OSBPL9: variants seen among roughly 807,000 people sequenced by gnomAD.
OSBPL9 encodes the protein oxysterol-binding protein-related protein 9.
A neutral mutation model predicts 106.6 loss-of-function variants in OSBPL9; 40 were observed. That is an observed-to-expected ratio of 0.38 (90% confidence interval 0.29 to 0.49). OSBPL9 has a LOEUF of 0.49. Ranked by LOEUF, OSBPL9 falls within the 20% of genes least tolerant of loss-of-function variation. The pLI is 0.97. For missense variants in OSBPL9, 609 were observed against 887.2 expected (o/e 0.69, Z 3.98); for synonymous variants, 269 against 295.4 (o/e 0.91, Z 0.92).
At chr1:51,593,325 T>C (rs1645285578) in intron 1 of OSBPL9, among the ~76,000 whole-genome samples, 2 of 152,184 alleles carry the variant, frequency 1.3e-5, no homozygotes, top group Admixed American at 6.5e-5. Context: ...CCACTTACTT[T>C]CTGAAGCACT....
At chr1:51,679,045 A>G (rs1389014029) in intron 3 of OSBPL9, among the ~76,000 whole-genome samples, 2 of 152,210 alleles carry the variant, frequency 1.3e-5, no homozygotes, top group African/African-American at 4.8e-5. Context: ...TATGTAAGGG[A>G]AATAAATCAG....
At chr1:51,528,999 A>T in the OSBPL9 span, among the ~76,000 whole-genome samples, 1 of 152,232 alleles carries the variant, frequency 6.6e-6, no homozygotes, top group African/African-American at 2.4e-5. Flanking sequence ...GAAAGAAAGT[A>T]AAGAAGACCT....
At chr1:51,593,256 G>A (rs997671610) in intron 1 of OSBPL9, among the ~76,000 whole-genome samples, 1 of 152,234 alleles carries the variant, frequency 6.6e-6, no homozygotes, top group East Asian at 1.9e-4. Flanking sequence ...GATTACAATA[G>A]CCTCCTGGAT....
At chr1:51,786,159 T>C in intron 21 of OSBPL9, 1 of 476,156 alleles carries the variant, frequency 2.1e-6, no homozygotes, top group Admixed American at 4.0e-5. Flanking sequence ...TGTAAAACAA[T>C]GCCTGGCACA....
At chr1:51,713,172 C>T (rs1660413298) in intron 3 of OSBPL9, among the ~76,000 whole-genome samples, 1 of 151,882 alleles carries the variant, frequency 6.6e-6, no homozygotes, top group South Asian at 2.1e-4. Context: ...TATTTTGAGA[C>T]AGAGTCGCCC....
chr1:51,668,949 A>G (rs1290128334), intron 2 of OSBPL9, among the ~76,000 whole-genome samples: 2 of 152,216 alleles, frequency 1.3e-5, no homozygotes, highest in Non-Finnish European at 2.9e-5. Flanking sequence ...AGCACTTGGA[A>G]GAAGGGGTTG....
chr1:51,629,238 T>C (rs1453102310), intron 1 of OSBPL9, among the ~76,000 whole-genome samples: 3 of 152,190 alleles, frequency 2.0e-5, no homozygotes, highest in Non-Finnish European at 4.4e-5. Flanking sequence ...TGTTATTGCT[T>C]TATTTTGTTT....
At chr1:51,577,626 T>C (rs75876372) in intron 1 of OSBPL9, among the ~76,000 whole-genome samples, 2,889 of 152,306 alleles carry the variant, frequency 0.019, 78 homozygotes, top group African/African-American at 0.056. Context: ...TACATTGTCT[T>C]TTCTCTGAAA....
chr1:51,670,636 T>C (rs1206003062), intron 3 of OSBPL9, among the ~76,000 whole-genome samples: 5 of 152,230 alleles, frequency 3.3e-5, no homozygotes, highest in Admixed American at 2.6e-4. Flanking sequence ...TCTCTAATGC[T>C]TTCTTCCACA....
At chr1:51,654,177 A>T (rs759625105) in intron 2 of OSBPL9, among the ~76,000 whole-genome samples, 2 of 152,158 alleles carry the variant, frequency 1.3e-5, no homozygotes. Flanking sequence ...CTTAGGTTTG[A>T]TCCCTTTGGC....
intron 2 of OSBPL9, among the ~76,000 whole-genome samples, chr1:51,609,351 T>G (rs974127905): frequency 6.6e-6 from 1 of 151,408 alleles, no homozygotes; most frequent in Non-Finnish European, 1.5e-5. Flanking sequence ...CCTTTTTTTT[T>G]TTTTTTTTTA....
At chr1:51,723,562 A>G (rs886266813) in intron 4 of OSBPL9, among the ~76,000 whole-genome samples, 3 of 151,242 alleles carry the variant, frequency 2.0e-5, no homozygotes, top group Admixed American at 6.6e-5. Flanking sequence ...TCCTTTTTTA[A>G]GAGACAAGGT....
chr1:51,540,044 C>G, the OSBPL9 span, among the ~76,000 whole-genome samples: 1 of 152,188 alleles, frequency 6.6e-6, no homozygotes, highest in Non-Finnish European at 1.5e-5. Flanking sequence ...AGGCCTTAAA[C>G]ATCCTCTATC....
intron 12 of OSBPL9, among the ~76,000 whole-genome samples, chr1:51,770,826 C>T (rs892773550): frequency 6.6e-6 from 1 of 152,086 alleles, no homozygotes; most frequent in African/African-American, 2.4e-5. Context: ...TGTTCTAATA[C>T]AGGCAGAGCC....
chr1:51,719,772 C>A (rs1410708951), intron 4 of OSBPL9, among the ~76,000 whole-genome samples: 1 of 152,024 alleles, frequency 6.6e-6, no homozygotes, highest in East Asian at 1.9e-4. Context: ...GGTTTAAAAT[C>A]TTATAGAACT....
At chr1:51,685,481 C>T (rs554037582) in intron 3 of OSBPL9, among the ~76,000 whole-genome samples, 2 of 151,916 alleles carry the variant, frequency 1.3e-5, no homozygotes, top group Non-Finnish European at 2.9e-5. Context: ...GATCTTGGCT[C>T]ACTGCAACCT....
chr1:51,633,012 C>T (rs1645203031), intron 1 of OSBPL9, among the ~76,000 whole-genome samples: 1 of 151,970 alleles, frequency 6.6e-6, no homozygotes, highest in African/African-American at 2.4e-5. Context: ...ACTCTGTCCT[C>T]CAGGCTGGAT....
intron 4 of OSBPL9, among the ~76,000 whole-genome samples, chr1:51,740,592 TTC>T: frequency 6.6e-6 from 1 of 152,242 alleles, no homozygotes; most frequent in Non-Finnish European, 1.5e-5. Flanking sequence ...TATTTTCTTT[TTC>T]TCTTTTTACA....
At chr1:51,720,518 G>A (rs1021181775) in intron 4 of OSBPL9, among the ~76,000 whole-genome samples, 2 of 151,868 alleles carry the variant, frequency 1.3e-5, no homozygotes, top group Non-Finnish European at 2.9e-5. Context: ...TAGAGGCGGG[G>A]TCTCACCATG....
Sources: allele counts gnomAD v4.1 joint callset (sites outside exome capture counted in the v4.1 genomes callset), GRCh38; gene constraint gnomAD v4.1.1; transcripts MANE v1.5; gene names NCBI Gene and HGNC (gene_info 2026-07-23, HGNC 2026-07-21).